TIGAR: variants seen among roughly 807,000 people sequenced by gnomAD.
TIGAR encodes the protein fructose-2,6-bisphosphatase TIGAR.
TIGAR carries 7 observed loss-of-function variants against 17.9 expected under a neutral mutation model. The ratio of observed to expected loss-of-function variants is 0.39; its 90% confidence interval spans 0.22 to 0.73. The LOEUF (loss-of-function observed/expected upper bound fraction) is 0.73, where lower values mean the gene tolerates loss of function less well. Ranked by LOEUF, TIGAR falls within the 30% of genes least tolerant of loss-of-function variation. The pLI is 0.42. For synonymous variants in TIGAR, 94 were observed against 108.6 expected (o/e 0.87, Z 0.84); for missense variants, 258 against 327.4 (o/e 0.79, Z 1.64).
chr12:4,352,331 A>C lies in TIGAR; in HGVS notation c.453A>C (p.Glu151Asp), dbSNP rs1243179756. ...QLILKEADQK[E>D]QFSQGSPSNC... ...TCCTGAAAGAAGCGGATCAAAAAGA[A>C]CAGTTTTCCCAAGGATCTCCAAGCA... Residue 151 changes from glutamate to aspartate, a missense_variant, in exon 6 of 6, where the codon GAA becomes GAC. By Grantham distance (45) the Glu-to-Asp change is conservative. Coordinates refer to ENST00000179259, the MANE Select transcript of TIGAR (RefSeq NM_020375.3). 6.2e-7 allele frequency: 1 copy of C among 1,614,154 alleles called. No individual in the cohort carries two copies. The highest frequency in any genetic ancestry group is 8.5e-7 in the Non-Finnish European group (1 of 1,180,004).
intron 2 of TIGAR, among the ~76,000 whole-genome samples, chr12:4,336,422 A>G (rs1014514878): frequency 1.4e-5 from 2 of 143,582 alleles, no homozygotes; most frequent in African/African-American, 5.2e-5. Flanking sequence ...GATTTTTTGT[A>G]TGTTCTGTGG....
At position 4,322,000 on chromosome 12, in the gene TIGAR, T is replaced by TTTA. The variant is rs1565444343; in HGVS notation, c.32+699_32+700insATT. ...TAAGAGCACAGATTTTTATTTTTAT[T>TTTA]TTTTTTTTTTTGTGAGATGGAGCCT... On this transcript the variant is annotated intron_variant, in intron 1 of 5. Coordinates refer to ENST00000179259, the MANE Select transcript of TIGAR (RefSeq NM_020375.3). The surrounding 1 kb of genome is among the most constrained non-coding windows in gnomAD (Gnocchi z 5.2). Among the ~76,000 whole-genome samples, 5 of 115,118 alleles carry TTTA rather than the reference T, an allele frequency of 4.3e-5. No individual in the cohort carries two copies. Among genetic ancestry groups the TTTA allele is most frequent in the African/African-American group, 1.5e-4 (5 of 33,718 alleles). The allele number at this position is 115,118 out of a possible 152,430, so 75.5% of individuals were successfully genotyped here.
At position 4,357,384 on chromosome 12, in the gene TIGAR, A is replaced by G. The variant is rs748934823; in HGVS notation, c.*4693A>G. Among the ~76,000 whole-genome samples, 2 of 152,206 alleles carry G rather than the reference A, an allele frequency of 1.3e-5. No homozygotes were observed. Among genetic ancestry groups the G allele is most frequent in the African/African-American group, 4.8e-5 (2 of 41,450 alleles). On this transcript the variant is annotated 3_prime_UTR_variant, in exon 6 of 6. Transcript: ENST00000179259. ...CACAGACACAGGAGATGCAAAGGAA[A>G]GAAGTATTCAGTAGAGCGGTGGTGC... is the stretch of plus-strand genomic sequence containing the variant.
chr12:4,324,706 T>G (rs1864521208), intron 1 of TIGAR: 2 of 852,052 alleles, frequency 2.3e-6, no homozygotes, highest in South Asian at 2.9e-5. Context: ...ACTGTACAGC[T>G]GCGTCAGCTG....
Position 4,324,256 on chromosome 12 carries a change from G to A in TIGAR, c.32+2953G>A, listed in dbSNP as rs542782041. On this transcript the variant is annotated intron_variant, in intron 1 of 5. Transcript: ENST00000179259. ...CATCACCTATCCAGCACTACTGAAG[G>A]GTCTGGTTCCTTGGAATGTTGTAGG... is the stretch of plus-strand genomic sequence containing the variant. 137 of 623,232 alleles carry A rather than the reference G, an allele frequency of 2.2e-4. 3 individuals carry two copies. Among genetic ancestry groups the A allele is most frequent in the Middle Eastern group, 1.7e-3 (4 of 2,316 alleles). The allele number at this position is 623,232 out of a possible 1,614,324, so 38.6% of individuals were successfully genotyped here. A position where few individuals can be genotyped will look rare whatever the true frequency, so the allele number is the denominator to read the frequency against.
intron 3 of TIGAR, among the ~76,000 whole-genome samples, chr12:4,349,165 T>C (rs1864811350): frequency 6.6e-6 from 1 of 152,204 alleles, no homozygotes; most frequent in South Asian, 2.1e-4. Context: ...TTATAGTCTA[T>C]ACAGTCTCTG....
chr12:4,322,877 G>A (rs1223555401), intron 1 of TIGAR, among the ~76,000 whole-genome samples: 3 of 151,972 alleles, frequency 2.0e-5, no homozygotes, highest in Non-Finnish European at 2.9e-5. Context: ...ACAGCTAATC[G>A]GTAGCAGAAC....
intron 1 of TIGAR, chr12:4,324,839 T>A (rs963943764): frequency 2.1e-5 from 11 of 534,376 alleles, no homozygotes; most frequent in African/African-American, 1.9e-4. Flanking sequence ...AAAGTTCACT[T>A]CCATTTTTAG....
At chr12:4,324,302 C>A (rs909287903) in intron 1 of TIGAR, 3 of 689,636 alleles carry the variant, frequency 4.4e-6, no homozygotes, top group Non-Finnish European at 7.6e-6. Context: ...GAGTCCCCGG[C>A]AAAACCATCC....
chr12:4,322,716 A>G (rs146472113), intron 1 of TIGAR, among the ~76,000 whole-genome samples: 2 of 152,366 alleles, frequency 1.3e-5, no homozygotes, highest in East Asian at 3.9e-4. Flanking sequence ...TTTATAAGAA[A>G]GATAATCTTA....
At chr12:4,338,088 C>T (rs1455033709) in intron 3 of TIGAR, among the ~76,000 whole-genome samples, 2 of 152,048 alleles carry the variant, frequency 1.3e-5, no homozygotes, top group Non-Finnish European at 2.9e-5. Context: ...CAAGATCGTG[C>T]CGTTGCATGG....
intron 3 of TIGAR, 29 bp downstream of exon 3, chr12:4,337,189 A>G (rs373712194): frequency 9.6e-5 from 147 of 1,534,188 alleles, no homozygotes; most frequent in Non-Finnish European, 1.3e-4. Flanking sequence ...TTATTTTGAG[A>G]CAGAGCGTCA....
intron 3 of TIGAR, 30 bp from the exon 4 acceptor site, chr12:4,349,788 TA>T: frequency 6.6e-7 from 1 of 1,507,620 alleles, no homozygotes; most frequent in Non-Finnish European, 9.0e-7. Context: ...ATTATTTTTA[TA>T]AAGAAAGAAA....
At chr12:4,336,760 C>T (rs935543893) in intron 2 of TIGAR, among the ~76,000 whole-genome samples, 1 of 152,042 alleles carries the variant, frequency 6.6e-6, no homozygotes, top group Non-Finnish European at 1.5e-5. Flanking sequence ...AAGAGAGGGG[C>T]AAACATAAAA....
rs1864852838 is a variant in TIGAR at position 4,352,884 on chromosome 12, T to C, written c.*193T>C. On this transcript the variant is annotated 3_prime_UTR_variant, in exon 6 of 6. Transcript: ENST00000179259. ...TTAACTTATTTTGTCCAAGTACAGT[T>C]GGCATTTTCCAGAATAATTTTACCA... 1.8e-6 allele frequency: 1 copy of C among 543,582 alleles called. No homozygotes were observed. Among genetic ancestry groups the C allele is most frequent in the South Asian group, 3.2e-5 (1 of 30,906 alleles). 33.7% of individuals were successfully genotyped at this position (543,582 alleles called of 1,614,324 possible). A position where few individuals can be genotyped will look rare whatever the true frequency, so the allele number is the denominator to read the frequency against.
chr12:4,352,980 G>A lies in TIGAR; in HGVS notation c.*289G>A, dbSNP rs1046164. 0.21 allele frequency: 75,839 copies of A among 355,250 alleles called. 8,344 individuals carry two copies. The highest frequency in any genetic ancestry group is 0.28 in the South Asian group (3,794 of 13,734). The allele number at this position is 355,250 out of a possible 1,614,324, so 22.0% of individuals were successfully genotyped here. A position where few individuals can be genotyped will look rare whatever the true frequency, so the allele number is the denominator to read the frequency against. On this transcript the variant is annotated 3_prime_UTR_variant, in exon 6 of 6. Transcript: ENST00000179259. ...CTCAGCATTGAAAGTTGGGGGATTA[G>A]TAACCTTGTTACAACGGTTTCTTTT...
In TIGAR at chr12:4,357,715, T is replaced by C. The variant is rs912865040; in HGVS notation, c.*5024T>C. ...TGGCCTAAGGGGGTGATTTCTTCAT[T>C]GATAAGTGACAGGGCAGGGACACTG... On this transcript the variant is annotated 3_prime_UTR_variant, in exon 6 of 6. Transcript: ENST00000179259. 1.3e-5 allele frequency among the ~76,000 whole-genome samples: 2 copies of C among 152,116 alleles called. No homozygotes were observed. The highest frequency in any genetic ancestry group is 2.9e-5 in the Non-Finnish European group (2 of 68,024).
chr12:4,358,567 C>T lies in TIGAR; in HGVS notation c.*5876C>T, dbSNP rs2120710837. Among the ~76,000 whole-genome samples the T allele has an allele frequency of 6.6e-6, 1 of 152,274 alleles. No homozygotes were observed. Among genetic ancestry groups the T allele is most frequent in the South Asian group, 2.1e-4 (1 of 4,822 alleles). On this transcript the variant is annotated 3_prime_UTR_variant, in exon 6 of 6. Transcript: ENST00000179259. ...AACTTTGAGTCCTCATACTCTTCCC[C>T]TATAAAATTTCAATGTGTGTTTCCT...
At chr12:4,323,676 C>T (rs1029450443) in intron 1 of TIGAR, among the ~76,000 whole-genome samples, 7 of 152,116 alleles carry the variant, frequency 4.6e-5, no homozygotes, top group African/African-American at 1.7e-4. Context: ...TTGTTAAAAC[C>T]CGGTATTTGT....
Sources: gnomAD v4.1 joint callset for allele counts (sites outside exome capture counted in the v4.1 genomes callset) on GRCh38, gnomAD v4.1.1 for gene constraint, Gnocchi (gnomAD v3.1) non-coding constraint, MANE v1.5 for transcripts, NCBI Gene and HGNC (gene_info 2026-07-23, HGNC 2026-07-21) for gene names.